PARD3B: variants seen among roughly 807,000 people sequenced by gnomAD.
PARD3B encodes the protein par-3 family cell polarity regulator beta, also known as partitioning defective 3 homolog B.
PARD3B carries 103 observed loss-of-function variants against 130.2 expected under a neutral mutation model. That is an observed-to-expected ratio of 0.79 (90% CI 0.67 to 0.93). PARD3B has a LOEUF of 0.93. PARD3B is among the 40% of genes least tolerant of loss of function. PARD3B has a pLI of 0.00. For synonymous variants in PARD3B, 583 were observed against 553.2 expected, an observed-to-expected ratio of 1.05 and a Z score of -0.76; for missense variants, 1,609 against 1,499.2, an observed-to-expected ratio of 1.07 and a Z score of -1.21.
At chr2:205,147,815 G>A (rs1045728166) in intron 10 of PARD3B, among the ~76,000 whole-genome samples, 3 of 152,074 alleles carry the variant, frequency 2.0e-5, no homozygotes, top group African/African-American at 7.2e-5. Flanking sequence ...ACCAGAGCTG[G>A]TTACACCGAG....
chr2:205,016,150 T>A (rs1004914372), intron 3 of PARD3B, among the ~76,000 whole-genome samples: 7 of 152,216 alleles, frequency 4.6e-5, no homozygotes, highest in African/African-American at 1.7e-4. Context: ...CTTAAATTTA[T>A]ATTTTAAAAT....
At chr2:205,561,742 A>G (rs115602749) in intron 22 of PARD3B, among the ~76,000 whole-genome samples, 249 of 152,278 alleles carry the variant, frequency 1.6e-3, no homozygotes, top group African/African-American at 5.5e-3. Context: ...GTTTGTCCCT[A>G]AGATTGCTGC....
At chr2:204,742,651 C>T (rs149549368) in intron 2 of PARD3B, among the ~76,000 whole-genome samples, 5 of 152,270 alleles carry the variant, frequency 3.3e-5, no homozygotes, top group African/African-American at 1.2e-4. Flanking sequence ...TCATTGATAC[C>T]TTTGCCTTTA....
chr2:205,187,453 G>A lies in PARD3B; in HGVS notation c.2024+1590G>A, dbSNP rs2036164894. ...TTTGTGTGTGTATAACATGGATTGG[G>A]TGAATGGAAGAGGTTTGATATCCCC... On this transcript the variant is annotated intron_variant, in intron 14 of 22. Coordinates refer to ENST00000406610, the MANE Select transcript of PARD3B (RefSeq NM_001302769.2). The surrounding 1 kb of genome is among the most constrained non-coding windows in gnomAD (Gnocchi z 4.9). Among the ~76,000 whole-genome samples, 1 of 152,174 alleles carries A rather than the reference G, an allele frequency of 6.6e-6. No individual in the cohort carries two copies. The highest frequency in any genetic ancestry group is 6.5e-5 in the Admixed American group (1 of 15,272).
chr2:205,272,750 C>T (rs1033530181), intron 16 of PARD3B, among the ~76,000 whole-genome samples: 2 of 152,146 alleles, frequency 1.3e-5, no homozygotes, highest in Non-Finnish European at 2.9e-5. Context: ...GGACAAAAGA[C>T]ATAATTCTGT....
intron 18 of PARD3B, among the ~76,000 whole-genome samples, chr2:205,349,714 C>G (rs974152964): frequency 6.6e-6 from 1 of 150,782 alleles, no homozygotes; most frequent in Non-Finnish European, 1.5e-5. Context: ...ACTCAGTTAC[C>G]TAACATCTTC....
At chr2:205,609,869 G>A (rs1439173124) in intron 22 of PARD3B, among the ~76,000 whole-genome samples, 3 of 152,098 alleles carry the variant, frequency 2.0e-5, no homozygotes, top group Non-Finnish European at 4.4e-5. Context: ...ATCCTAAAAG[G>A]AGCTCATCAG....
intron 10 of PARD3B, among the ~76,000 whole-genome samples, chr2:205,132,733 A>G (rs919936): frequency 0.31 from 46,529 of 152,044 alleles, 7,852 homozygotes; most frequent in Middle Eastern, 0.49. Flanking sequence ...CTGCTTTGCA[A>G]TTTCATTTAG....
intron 2 of PARD3B, among the ~76,000 whole-genome samples, chr2:204,712,391 T>C (rs2038486993): frequency 6.6e-6 from 1 of 151,896 alleles, no homozygotes; most frequent in Non-Finnish European, 1.5e-5. Context: ...GACAGGTGGA[T>C]CACAAGATTA....
intron 15 of PARD3B, among the ~76,000 whole-genome samples, chr2:205,222,606 G>C (rs1318783122): frequency 1.3e-5 from 2 of 152,238 alleles, no homozygotes; most frequent in African/African-American, 4.8e-5. Flanking sequence ...AGTGGAAACA[G>C]AGGTGTGTTT....
At chr2:205,335,519 G>C (rs1000443140) in intron 18 of PARD3B, among the ~76,000 whole-genome samples, 1 of 152,290 alleles carries the variant, frequency 6.6e-6, no homozygotes, top group African/African-American at 2.4e-5. Flanking sequence ...GCACCAAGAG[G>C]CAAGAGATAT....
chr2:205,193,209 G>T lies in PARD3B; in HGVS notation c.2029G>T (p.Gly677Trp). 1 of 1,600,964 alleles carries T rather than the reference G, an allele frequency of 6.2e-7. No homozygotes were observed. Among genetic ancestry groups the T allele is most frequent in the South Asian group, 1.1e-5 (1 of 90,798 alleles). ...LGLEDYSHSS[G>W]VDSAVYFPDQ... ...ACATATGGCTTCCTTCCACAGCTCTGGGGTGGATTCAGCAGTATATTTTCC... is the reference window on the plus strand; with the variant it reads ...ACATATGGCTTCCTTCCACAGCTCTTGGGTGGATTCAGCAGTATATTTTCC... Residue 677 changes from glycine to tryptophan, a missense_variant, in exon 15 of 23, where the codon GGG becomes TGG. Gly to Trp is a radical substitution (Grantham distance 184). Coordinates refer to ENST00000406610, the MANE Select transcript of PARD3B (RefSeq NM_001302769.2).
intron 2 of PARD3B, among the ~76,000 whole-genome samples, chr2:204,758,616 G>A (rs1447190331): frequency 6.6e-6 from 1 of 152,168 alleles, no homozygotes; most frequent in African/African-American, 2.4e-5. Flanking sequence ...CTCCAGGTAT[G>A]AGTATATTTT....
intron 3 of PARD3B, among the ~76,000 whole-genome samples, chr2:205,036,610 AATAT>A (rs1259580304): frequency 2.0e-5 from 3 of 148,444 alleles, no homozygotes; most frequent in East Asian, 2.0e-4. Context: ...ATGTACAAAA[AATAT>A]ATATACACAG....
intron 22 of PARD3B, among the ~76,000 whole-genome samples, chr2:205,566,814 A>G (rs368112193): frequency 9.2e-5 from 14 of 152,248 alleles, no homozygotes; most frequent in African/African-American, 3.1e-4. Flanking sequence ...TCGACAGTGC[A>G]GACTGCAAAA....
At chr2:205,191,425 C>G (rs998636015) in intron 14 of PARD3B, among the ~76,000 whole-genome samples, 3 of 152,268 alleles carry the variant, frequency 2.0e-5, no homozygotes, top group Middle Eastern at 3.4e-3. Flanking sequence ...CCACATCACC[C>G]TTCTAAATAG....
intron 22 of PARD3B, among the ~76,000 whole-genome samples, chr2:205,603,787 C>T (rs1575465099): frequency 6.6e-6 from 1 of 152,102 alleles, no homozygotes; most frequent in Non-Finnish European, 1.5e-5. Context: ...TACAATGGGT[C>T]TTGACTCTAT....
chr2:205,008,290 C>CTTTTT (rs34132187), intron 3 of PARD3B, among the ~76,000 whole-genome samples: 1 of 147,148 alleles, frequency 6.8e-6, no homozygotes, highest in Non-Finnish European at 1.5e-5. Context: ...CACAAATAAT[C>CTTTTT]TTTTTTTTTT....
chr2:205,002,783 A>G (rs922956642), intron 3 of PARD3B, among the ~76,000 whole-genome samples: 1 of 152,164 alleles, frequency 6.6e-6, no homozygotes, highest in Non-Finnish European at 1.5e-5. Context: ...GAAAAGCCAC[A>G]TTTCTTACAA....
Sources: allele counts gnomAD v4.1 joint callset (sites outside exome capture counted in the v4.1 genomes callset), GRCh38; gene constraint gnomAD v4.1.1; non-coding constraint Gnocchi (gnomAD v3.1); transcripts MANE v1.5; gene names NCBI Gene and HGNC (gene_info 2026-07-23, HGNC 2026-07-21).